The following GET1 variants were observed in gnomAD, a reference collection of about 807,000 sequenced individuals.
GET1 encodes the protein guided entry of tail-anchored proteins factor 1, also known as congenital heart disease 5 protein.
A neutral mutation model predicts 22.6 loss-of-function variants in GET1; 20 were observed. The ratio of observed to expected loss-of-function variants is 0.89; its 90% CI spans 0.62 to 1.29. The LOEUF (loss-of-function observed/expected upper bound fraction) is 1.29, where lower values mean the gene tolerates loss of function less well. Among genes scored for constraint, GET1 ranks in the 50% most tolerant of loss-of-function variants. The pLI, the probability that GET1 is intolerant of heterozygous loss-of-function variation, is 0.00. For synonymous variants in GET1, 92 were observed against 83.8 expected, an observed-to-expected ratio of 1.10 and a Z score of -0.53; for missense variants, 209 against 219.9, an observed-to-expected ratio of 0.95 and a Z score of 0.31.
At chr21:39,405,740 C>A in intron 4 of GET1, 2 of 566,666 alleles carry the variant, frequency 3.5e-6, no homozygotes, top group Non-Finnish European at 5.6e-6. Context: ...AGCAATCAAA[C>A]AAAAATTTAA....
downstream of GET1, chr21:39,410,991 G>A: frequency 2.1e-6 from 1 of 466,954 alleles, no homozygotes; most frequent in Admixed American, 2.4e-5. Flanking sequence ...AGATTTTGGG[G>A]GGAAAGCAGT....
downstream of GET1, among the ~76,000 whole-genome samples, chr21:39,399,777 A>G (rs1375075320): frequency 6.6e-6 from 1 of 152,160 alleles, no homozygotes; most frequent in African/African-American, 2.4e-5. Flanking sequence ...GATATATTTT[A>G]TAGCTTCACG....
rs186280423 is a variant in GET1, at chr21:39,397,180, C to T, written c.*241C>T. 4.6e-5 allele frequency: 24 copies of T among 517,450 alleles called. No homozygotes were observed. Among genetic ancestry groups the T allele is most frequent in the South Asian group, 9.2e-5 (4 of 43,632 alleles). 32.1% of individuals were successfully genotyped at this position (517,450 alleles called of 1,614,324 possible). A position where few individuals can be genotyped will look rare whatever the true frequency, so the allele number is the denominator to read the frequency against. On this transcript the variant is annotated 3_prime_UTR_variant, in exon 5 of 5. Transcript: ENST00000649170. ...CGTATGTACTAGTGAACACCGTCCT[C>T]GATCTGTACGAAATGTGAAATGTTT...
At chr21:39,412,039 C>A (rs909330029) in intron 1 of GET1, among the ~76,000 whole-genome samples, 1 of 152,206 alleles carries the variant, frequency 6.6e-6, no homozygotes, top group Non-Finnish European at 1.5e-5. Context: ...CCTTGCAGGT[C>A]AGCTTGTCCA....
chr21:39,424,203 G>A (rs2074248342), intron 1 of GET1, among the ~76,000 whole-genome samples: 3 of 152,064 alleles, frequency 2.0e-5, no homozygotes, highest in Non-Finnish European at 4.4e-5. Context: ...AGTAGAGACG[G>A]AGTTTCACCA....
downstream of GET1, among the ~76,000 whole-genome samples, chr21:39,401,851 T>C (rs1008388513): frequency 2.0e-5 from 3 of 152,126 alleles, no homozygotes; most frequent in African/African-American, 7.2e-5. Flanking sequence ...CTACTGTAAT[T>C]GTTTTGGGGC....
chr21:39,424,687 G>A (rs2147790190), intron 1 of GET1, among the ~76,000 whole-genome samples: 2 of 152,200 alleles, frequency 1.3e-5, no homozygotes, highest in East Asian at 3.9e-4. Flanking sequence ...AATTGCATAA[G>A]AGTCTATCTG....
rs955752705 is a variant in GET1 at position 39,386,796 on chromosome 21, T to C, written c.103-3902T>C. On this transcript the variant is annotated intron_variant, in intron 1 of 4. Coordinates refer to ENST00000649170, the MANE Select transcript of GET1 (RefSeq NM_004627.6). Reference sequence around the variant, plus strand: ...TGATTCTAGAACATTTTAACACTTATACGTGGGTCTTGGATTAACATTGAT... The same window carrying C: ...TGATTCTAGAACATTTTAACACTTACACGTGGGTCTTGGATTAACATTGAT... 3.9e-5 allele frequency among the ~76,000 whole-genome samples: 6 copies of C among 152,342 alleles called. No homozygotes were observed. The East Asian group carries it at 7.7e-4, about 20-fold the overall frequency.
chr21:39,399,606 A>G (rs2038788807), downstream of GET1, among the ~76,000 whole-genome samples: 2 of 151,772 alleles, frequency 1.3e-5, no homozygotes, highest in South Asian at 4.2e-4. Flanking sequence ...CATGACGCCT[A>G]TTTTTTGTAT....
downstream of GET1, among the ~76,000 whole-genome samples, chr21:39,399,999 G>C (rs527531033): frequency 6.6e-6 from 1 of 151,834 alleles, no homozygotes; most frequent in Admixed American, 6.6e-5. Flanking sequence ...TGGGATTACA[G>C]GTGTGAGCCA....
chr21:39,422,746 A>C, intron 1 of GET1: 4 of 549,312 alleles, frequency 7.3e-6, no homozygotes, highest in Non-Finnish European at 6.3e-6. Context: ...CACAGAGTGA[A>C]CTCTTGTGCA....
At chr21:39,382,419 C>T (rs1408468104) in intron 1 of GET1, among the ~76,000 whole-genome samples, 1 of 152,210 alleles carries the variant, frequency 6.6e-6, no homozygotes, top group Non-Finnish European at 1.5e-5. Context: ...AACAACTTTC[C>T]ATTCCTACCT....
In GET1 at chr21:39,391,720, G is replaced by A. The variant is rs752127984; in HGVS notation, c.269-49G>A. On this transcript the variant is annotated intron_variant, in intron 2 of 4. Coordinates refer to ENST00000649170, the MANE Select transcript of GET1 (RefSeq NM_004627.6). ...ACATTTCTGTGTATTTGAATATTTT[G>A]TTAATTTTTCAGGACTGACATAATT... The A allele has an allele frequency of 1.9e-6, 3 of 1,558,534 alleles. No homozygotes were observed. In the South Asian group the frequency reaches 3.4e-5, roughly 17 times the overall value.
At chr21:39,410,242 C>A, downstream of GET1, 2 of 1,467,586 alleles carry the variant, frequency 1.4e-6, no homozygotes, top group Non-Finnish European at 1.9e-6. Flanking sequence ...TCAGACACTG[C>A]AAGATTCCAA....
intron 1 of GET1, 62 bp downstream of exon 1, chr21:39,380,548 C>T (rs968623602): frequency 4.5e-6 from 7 of 1,565,572 alleles, no homozygotes; most frequent in Non-Finnish European, 6.1e-6. Flanking sequence ...CCCGGCGGGT[C>T]TGGCGTAGGT....
chr21:39,405,159 CTT>C (rs1726402099), intron 4 of GET1, among the ~76,000 whole-genome samples: 1 of 151,598 alleles, frequency 6.6e-6, no homozygotes, highest in Admixed American at 6.6e-5. Context: ...TAAAAAGAGT[CTT>C]TTGATCATAT....
intron 4 of GET1, 46 bp from the exon 5 acceptor site, chr21:39,396,820 C>T (rs1221953250): frequency 5.2e-6 from 8 of 1,541,572 alleles, no homozygotes; most frequent in African/African-American, 1.4e-5. Flanking sequence ...CAGATGGGGG[C>T]AGCACTGCTG....
intron 1 of GET1, among the ~76,000 whole-genome samples, chr21:39,381,539 A>G (rs973818805): frequency 6.6e-6 from 1 of 152,142 alleles, no homozygotes; most frequent in African/African-American, 2.4e-5. Context: ...TTAACCCCTG[A>G]GTCTCCTTCA....
At chr21:39,418,198 G>A (rs1416179277) in intron 1 of GET1, among the ~76,000 whole-genome samples, 2 of 152,146 alleles carry the variant, frequency 1.3e-5, no homozygotes, top group Non-Finnish European at 2.9e-5. Context: ...TGGGAACTGT[G>A]GGAGCTACAA....
Sources: gnomAD v4.1 joint callset for allele counts (sites outside exome capture counted in the v4.1 genomes callset) on GRCh38, gnomAD v4.1.1 for gene constraint, MANE v1.5 for transcripts, NCBI Gene and HGNC (gene_info 2026-07-23, HGNC 2026-07-21) for gene names.